Variants in CNTN4 observed in about 807,000 individuals in gnomAD.
The protein encoded by CNTN4 is contactin 4, also known as contactin-4.
Under a neutral mutation model 122.5 loss-of-function variants are expected in CNTN4, and 77 were observed. That is an observed-to-expected ratio of 0.63 (90% CI 0.52 to 0.76). The LOEUF (loss-of-function observed/expected upper bound fraction) is 0.76, where lower values mean the gene tolerates loss of function less well. Among genes scored for constraint, CNTN4 ranks in the 30% least tolerant of loss-of-function variants. The pLI, the probability that CNTN4 is intolerant of heterozygous loss-of-function variation, is 0.00. For missense variants in CNTN4, 1,256 were observed against 1,259.1 expected (o/e 1.00, Z 0.04); for synonymous variants, 512 against 447.0 (o/e 1.15, Z -1.83).
At chr3:3,009,963 A>G (rs1358137487) in intron 14 of CNTN4, among the ~76,000 whole-genome samples, 1 of 151,430 alleles carries the variant, frequency 6.6e-6, no homozygotes, top group African/African-American at 2.4e-5. Flanking sequence ...CGCTACCTAG[A>G]GAAAGAATAT....
intron 2 of CNTN4, among the ~76,000 whole-genome samples, chr3:2,200,562 A>T (rs2038050320): frequency 6.6e-6 from 1 of 152,212 alleles, no homozygotes. Flanking sequence ...ACAAAGAATG[A>T]TCTAGCCCAA....
chr3:2,524,438 C>G (rs2077328369), intron 3 of CNTN4, among the ~76,000 whole-genome samples: 1 of 152,040 alleles, frequency 6.6e-6, no homozygotes, highest in Admixed American at 6.6e-5. Flanking sequence ...AACAGTGACC[C>G]TATGAATAAT....
chr3:2,476,831 TA>T (rs1003542227), intron 3 of CNTN4, among the ~76,000 whole-genome samples: 1 of 152,166 alleles, frequency 6.6e-6, no homozygotes, highest in Non-Finnish European at 1.5e-5. Flanking sequence ...TTAGCAAACA[TA>T]AAAAAAGTAG....
At chr3:2,191,007 G>C (rs144695240) in intron 2 of CNTN4, among the ~76,000 whole-genome samples, 42 of 152,134 alleles carry the variant, frequency 2.8e-4, no homozygotes, top group African/African-American at 9.4e-4. Flanking sequence ...AGTTTTCAAG[G>C]AATTTTTCTG....
intron 2 of CNTN4, among the ~76,000 whole-genome samples, chr3:2,326,946 G>T (rs551681015): frequency 3.9e-5 from 6 of 152,204 alleles, no homozygotes; most frequent in Admixed American, 2.0e-4. Flanking sequence ...TACCTATAAA[G>T]CTTCCTTGGA....
At position 2,330,083 on chromosome 3, in the gene CNTN4, T is replaced by C. The variant is rs1295218827; in HGVS notation, c.-144-9095T>C. ...CTCCCCAGAACTTCTGGCCAATTGA[T>C]ATAAATTAGAGATTCCCATGACCGC... On this transcript the variant is annotated intron_variant, in intron 2 of 24. Transcript: ENST00000418658. 2.0e-5 allele frequency among the ~76,000 whole-genome samples: 3 copies of C among 152,156 alleles called. No individual in the cohort carries two copies. In the East Asian group the frequency reaches 5.8e-4, roughly 29 times the overall value.
chr3:2,951,170 T>C (rs2094738951), intron 13 of CNTN4, among the ~76,000 whole-genome samples: 2 of 152,124 alleles, frequency 1.3e-5, no homozygotes, highest in Admixed American at 6.5e-5. Flanking sequence ...CCCTCTACTT[T>C]CAAAAAGGGA....
At chr3:2,718,298 G>C (rs1344929848) in intron 4 of CNTN4, among the ~76,000 whole-genome samples, 1 of 151,838 alleles carries the variant, frequency 6.6e-6, no homozygotes, top group East Asian at 1.9e-4. Flanking sequence ...TCTATGTTGG[G>C]AAAGTATATT....
intron 2 of CNTN4, among the ~76,000 whole-genome samples, chr3:2,121,806 G>A (rs1361327381): frequency 6.6e-6 from 1 of 152,078 alleles, no homozygotes; most frequent in East Asian, 1.9e-4. Context: ...AATTTGTACT[G>A]GTTACTAATA....
At chr3:2,433,320 A>G (rs2048145138) in intron 3 of CNTN4, among the ~76,000 whole-genome samples, 1 of 152,090 alleles carries the variant, frequency 6.6e-6, no homozygotes. Context: ...TCTCTTCCAT[A>G]ATTGTTCTAA....
intron 4 of CNTN4, among the ~76,000 whole-genome samples, chr3:2,607,628 A>ACACACACACACACAC (rs1553580865): frequency 1.3e-5 from 2 of 152,132 alleles, no homozygotes; most frequent in Non-Finnish European, 2.9e-5. Context: ...ACACACACAT[A>ACACACACACACACAC]ACTAATGGCT....
In CNTN4 at chr3:2,565,240, A is replaced by G. The variant is rs144289889; in HGVS notation, c.-88-6176A>G. 4.9e-4 allele frequency among the ~76,000 whole-genome samples: 74 copies of G among 152,212 alleles called. 1 individual carries two copies. The highest frequency in any genetic ancestry group is 1.8e-3 in the African/African-American group (73 of 41,548). On this transcript the variant is annotated intron_variant, in intron 3 of 24. Coordinates refer to ENST00000418658, the MANE Select transcript of CNTN4 (RefSeq NM_175607.3). ...TCCCTTATGTCTTCCCCTCTTTTGC[A>G]CTGTTCTATTCATATTTTCAGATGC...
chr3:2,909,422 G>A (rs1377826139), intron 12 of CNTN4, among the ~76,000 whole-genome samples: 9 of 151,456 alleles, frequency 5.9e-5, no homozygotes, highest in Non-Finnish European at 1.5e-5. Flanking sequence ...AGAAGGTTTG[G>A]GCTTTTTTTT....
chr3:2,439,681 G>A (rs940882661), intron 3 of CNTN4, among the ~76,000 whole-genome samples: 1 of 151,998 alleles, frequency 6.6e-6, no homozygotes, highest in African/African-American at 2.4e-5. Context: ...TAAAATGGAG[G>A]AAGAAGACAA....
chr3:2,668,128 G>T (rs1327161047), intron 4 of CNTN4, among the ~76,000 whole-genome samples: 1 of 152,138 alleles, frequency 6.6e-6, no homozygotes, highest in Non-Finnish European at 1.5e-5. Flanking sequence ...ATTCTGTGAA[G>T]AAAGTCATTG....
intron 6 of CNTN4, among the ~76,000 whole-genome samples, chr3:2,777,523 G>A (rs967247885): frequency 6.6e-6 from 1 of 152,154 alleles, no homozygotes; most frequent in Non-Finnish European, 1.5e-5. Context: ...ACCCTCTCTG[G>A]TAGCAGCAAA....
intron 3 of CNTN4, among the ~76,000 whole-genome samples, chr3:2,443,952 G>A (rs867242605): frequency 4.6e-5 from 7 of 152,032 alleles, no homozygotes; most frequent in Non-Finnish European, 4.4e-5. Context: ...GTAGTTTATC[G>A]GATAAACCAA....
rs190180763 is a variant in CNTN4, at chr3:2,406,425, C to T, written c.-89+67192C>T. ...AAATTAACTTAGCATCATTCTTCAT[C>T]GTATCTTCATATCACAATACAAGAA... On this transcript the variant is annotated intron_variant, in intron 3 of 24. Coordinates refer to ENST00000418658, the MANE Select transcript of CNTN4 (RefSeq NM_175607.3). Among the ~76,000 whole-genome samples the T allele has an allele frequency of 5.9e-5, 9 of 152,252 alleles. No individual in the cohort carries two copies. The East Asian group carries it at 1.5e-3, about 26-fold the overall frequency.
chr3:2,804,230 T>C (rs750359134), intron 6 of CNTN4, among the ~76,000 whole-genome samples: 1 of 152,106 alleles, frequency 6.6e-6, no homozygotes, highest in Non-Finnish European at 1.5e-5. Context: ...GGTGTTAGGA[T>C]CACAGGTGTG....
Sources: allele counts gnomAD v4.1 joint callset (sites outside exome capture counted in the v4.1 genomes callset), GRCh38; gene constraint gnomAD v4.1.1; transcripts MANE v1.5; gene names NCBI Gene and HGNC (gene_info 2026-07-23, HGNC 2026-07-21).